Variants in KIRREL3 observed in about 807,000 individuals in gnomAD.
KIRREL3 encodes kin of IRRE-like protein 3.
A neutral mutation model predicts 89.7 loss-of-function variants in KIRREL3; 36 were observed. The ratio of observed to expected loss-of-function variants is 0.40; its 90% CI spans 0.31 to 0.53. The LOEUF (loss-of-function observed/expected upper bound fraction) is 0.53. KIRREL3 is among the 20% of genes least tolerant of loss of function. The pLI is 0.49. For synonymous variants in KIRREL3, 445 were observed against 441.4 expected, an observed-to-expected ratio of 1.01 and a Z score of -0.10; for missense variants, 864 against 1,056.6, an observed-to-expected ratio of 0.82 and a Z score of 2.53.
intron 1 of KIRREL3, chr11:126,920,432 AATTTAGTCC>A: frequency 6.6e-6 from 1 of 152,208 alleles, no homozygotes; most frequent in Admixed American, 6.5e-5. Context: ...TGCACTGTGG[AATTTAGTCC>A]ATTTGATCTG....
chr11:126,925,277 A>G (rs1947664432), intron 1 of KIRREL3, among the ~76,000 whole-genome samples: 1 of 152,140 alleles, frequency 6.6e-6, no homozygotes, highest in Non-Finnish European at 1.5e-5. Flanking sequence ...ATGTGTCCTG[A>G]CAGGATGAGA....
At chr11:126,853,911 C>T (rs576196957) in intron 1 of KIRREL3, among the ~76,000 whole-genome samples, 13 of 152,174 alleles carry the variant, frequency 8.5e-5, no homozygotes, top group African/African-American at 1.9e-4. Context: ...TGGGGCAGAA[C>T]GTATTAATAA....
In KIRREL3 at chr11:126,463,365, C is replaced by G. The variant is rs1956614367; in HGVS notation, c.592-58G>C. 6.4e-7 allele frequency: 1 copy of G among 1,560,050 alleles called. No homozygotes were observed. Among genetic ancestry groups the G allele is most frequent in the African/African-American group, 1.3e-5 (1 of 74,090 alleles). On this transcript the variant is annotated intron_variant, in intron 5 of 16. Transcript: ENST00000525144. The surrounding 1 kb of genome is among the most constrained non-coding windows in gnomAD (Gnocchi z 5.9). ...CATGTCGCTTGGCTGGGGTGGCCAG[C>G]CTGGGTTGGGGGTAAACGAGCACCA... is the stretch of plus-strand genomic sequence containing the variant.
chr11:126,689,201 A>G lies in KIRREL3; in HGVS notation c.56-126289T>C, dbSNP rs902748530. Among the ~76,000 whole-genome samples, 1 of 152,204 alleles carries G rather than the reference A, an allele frequency of 6.6e-6. No homozygotes were observed. Among genetic ancestry groups the G allele is most frequent in the African/African-American group, 2.4e-5 (1 of 41,456 alleles). ...AATTGTTGTTTCAGGAACTAGAAAG[A>G]ATCCTGGAAATAGTTAAGAAAGACG... On this transcript the variant is annotated intron_variant, in intron 1 of 16. Transcript: ENST00000525144. The surrounding 1 kb of genome is among the most constrained non-coding windows in gnomAD (Gnocchi z 5.2).
At chr11:126,500,780 A>G (rs1203881476) in intron 4 of KIRREL3, among the ~76,000 whole-genome samples, 1 of 151,794 alleles carries the variant, frequency 6.6e-6, no homozygotes, top group Non-Finnish European at 1.5e-5. Flanking sequence ...AACAGTATAT[A>G]TTTTCACTGC....
At chr11:126,466,750 C>T (rs1300255105) in intron 5 of KIRREL3, among the ~76,000 whole-genome samples, 1 of 152,246 alleles carries the variant, frequency 6.6e-6, no homozygotes, top group Non-Finnish European at 1.5e-5. Flanking sequence ...CACTCCGCCC[C>T]TCCCTTCCCT....
Position 126,723,471 on chromosome 11 carries a change from C to T in KIRREL3, c.56-160559G>A, listed in dbSNP as rs760428074. Among the ~76,000 whole-genome samples, 1 of 152,222 alleles carries T rather than the reference C, an allele frequency of 6.6e-6. No individual in the cohort carries two copies. The highest frequency in any genetic ancestry group is 1.5e-5 in the Non-Finnish European group (1 of 68,042). ...CAACTCTCCTCAGCCTCCAGACACA[C>T]ATGCTCTGTGGCATCATTAAGCAGC... On this transcript the variant is annotated intron_variant, in intron 1 of 16. Transcript: ENST00000525144. This position sits in a 1 kb window ranked among gnomAD's most constrained non-coding sequence, Gnocchi z 4.0.
intron 2 of KIRREL3, among the ~76,000 whole-genome samples, chr11:126,547,971 C>G (rs780983118): frequency 6.6e-6 from 1 of 152,158 alleles, no homozygotes; most frequent in African/African-American, 2.4e-5. Flanking sequence ...TCTTCCTCCT[C>G]AGAATGTGGA....
At chr11:126,638,346 A>G (rs1246380445) in intron 1 of KIRREL3, among the ~76,000 whole-genome samples, 1 of 152,216 alleles carries the variant, frequency 6.6e-6, no homozygotes, top group East Asian at 1.9e-4. Flanking sequence ...GTTGTTGGAA[A>G]AACGTACTTG....
intron 1 of KIRREL3, among the ~76,000 whole-genome samples, chr11:126,848,444 A>G (rs1413192958): frequency 6.6e-6 from 1 of 152,176 alleles, no homozygotes; most frequent in African/African-American, 2.4e-5. Flanking sequence ...TTTTCCTGCA[A>G]TGTAGGCTGA....
At position 126,807,086 on chromosome 11, in the gene KIRREL3, GA is replaced by G. The variant is rs1380701869; in HGVS notation, c.55+193368del. On this transcript the variant is annotated intron_variant, in intron 1 of 16. Transcript: ENST00000525144. The surrounding 1 kb of genome is among the most constrained non-coding windows in gnomAD (Gnocchi z 4.3). The stretch of plus-strand genomic sequence containing the variant: ...TGACCACGCTGTACTCTTCAAAGGG[GA>G]TGAAACTGAGACCCTGCAAGGATAA... 1.3e-5 allele frequency among the ~76,000 whole-genome samples: 2 copies of G among 152,186 alleles called. No individual in the cohort carries two copies. The highest frequency in any genetic ancestry group is 2.9e-5 in the Non-Finnish European group (2 of 68,044).
At chr11:126,457,347 GTA>G (rs1416626306) in intron 6 of KIRREL3, among the ~76,000 whole-genome samples, 3 of 137,916 alleles carry the variant, frequency 2.2e-5, no homozygotes, top group South Asian at 5.0e-4. Flanking sequence ...ATGTGTGTGT[GTA>G]TGTATGTCTC....
Position 126,876,363 on chromosome 11 carries a change from G to A in KIRREL3, c.55+124092C>T, listed in dbSNP as rs1165230753. ...AAGGGAAAATGTGGAGAAGCAGATA[G>A]CAATGTGGTAAAAAGATGCTTGGTG... On this transcript the variant is annotated intron_variant, in intron 1 of 16. Coordinates refer to ENST00000525144, the MANE Select transcript of KIRREL3 (RefSeq NM_032531.4). This position sits in a 1 kb window ranked among gnomAD's most constrained non-coding sequence, Gnocchi z 4.1. 6.6e-6 allele frequency among the ~76,000 whole-genome samples: 1 copy of A among 152,140 alleles called. No homozygotes were observed. The highest frequency in any genetic ancestry group is 1.5e-5 in the Non-Finnish European group (1 of 68,034).
In KIRREL3 at chr11:126,853,670, C is replaced by T. The variant is rs141971875; in HGVS notation, c.55+146785G>A. Among the ~76,000 whole-genome samples, 401 of 152,184 alleles carry T rather than the reference C, an allele frequency of 2.6e-3. 1 individual carries two copies. The highest frequency in any genetic ancestry group is 9.2e-3 in the African/African-American group (383 of 41,524). On this transcript the variant is annotated intron_variant, in intron 1 of 16. Coordinates refer to ENST00000525144, the MANE Select transcript of KIRREL3 (RefSeq NM_032531.4). ...ATGCTCTCTCCAAGTTTTTGACACC[C>T]TGCATATGCTTTTATGGAGTTATAA...
At chr11:126,786,718 C>A (rs527824262) in intron 1 of KIRREL3, among the ~76,000 whole-genome samples, 1 of 152,326 alleles carries the variant, frequency 6.6e-6, no homozygotes, top group Non-Finnish European at 1.5e-5. Context: ...AGCCTGGCAG[C>A]CCAGTAGCAA....
At chr11:126,469,149 G>A (rs1956812299) in intron 5 of KIRREL3, among the ~76,000 whole-genome samples, 1 of 152,222 alleles carries the variant, frequency 6.6e-6, no homozygotes, top group South Asian at 2.1e-4. Flanking sequence ...GCACGGCAAG[G>A]TGAGGTCACG....
chr11:126,491,181 G>A lies in KIRREL3; in HGVS notation c.434-17715C>T, dbSNP rs934009680. Among the ~76,000 whole-genome samples, 3 of 152,182 alleles carry A rather than the reference G, an allele frequency of 2.0e-5. No individual in the cohort carries two copies. Among genetic ancestry groups the A allele is most frequent in the Non-Finnish European group, 4.4e-5 (3 of 68,038 alleles). On this transcript the variant is annotated intron_variant, in intron 4 of 16. Coordinates refer to ENST00000525144, the MANE Select transcript of KIRREL3 (RefSeq NM_032531.4). This position sits in a 1 kb window ranked among gnomAD's most constrained non-coding sequence, Gnocchi z 5.5. Reference sequence around the variant, plus strand: ...GACTCTGGCGAGTTGCACCTCCCCGGGCGTCAGCGTCTGCATCTGAAAGTG... The same window carrying A: ...GACTCTGGCGAGTTGCACCTCCCCGAGCGTCAGCGTCTGCATCTGAAAGTG...
chr11:126,790,220 C>G (rs1041991775), intron 1 of KIRREL3, among the ~76,000 whole-genome samples: 1 of 152,188 alleles, frequency 6.6e-6, no homozygotes, highest in African/African-American at 2.4e-5. Context: ...CTGAGGTCAC[C>G]GAACATTGCA....
In KIRREL3 at chr11:126,520,306, G is replaced by A. The variant is rs1452333785; in HGVS notation, c.433+1009C>T. On this transcript the variant is annotated intron_variant, in intron 4 of 16. Transcript: ENST00000525144. The surrounding 1 kb of genome is among the most constrained non-coding windows in gnomAD (Gnocchi z 4.9). ...GGGCTTTCCCACTTCCCTCCTGCAC[G>A]CGTGCCTGGCACAGACTCACGTGTA... is the stretch of plus-strand genomic sequence containing the variant. Among the ~76,000 whole-genome samples, 3 of 152,324 alleles carry A rather than the reference G, an allele frequency of 2.0e-5. No homozygotes were observed. The highest frequency in any genetic ancestry group is 1.9e-4 in the East Asian group (1 of 5,184).
Sources: allele counts gnomAD v4.1 joint callset (sites outside exome capture counted in the v4.1 genomes callset), GRCh38; gene constraint gnomAD v4.1.1; non-coding constraint Gnocchi (gnomAD v3.1); transcripts MANE v1.5; gene names NCBI Gene and HGNC (gene_info 2026-07-23, HGNC 2026-07-21).